ZNF823: variants seen among roughly 807,000 people sequenced by gnomAD.
The protein encoded by ZNF823 is ZFP 36 for a zinc finger protein.
ZNF823 carries 5 observed loss-of-function variants against 11.4 expected under a neutral mutation model. The ratio of observed to expected loss-of-function variants is 0.44; its 90% CI spans 0.23 to 0.92. The LOEUF (loss-of-function observed/expected upper bound fraction) is 0.92, where lower values mean the gene tolerates loss of function less well. Ranked by LOEUF, ZNF823 falls within the 40% of genes least tolerant of loss-of-function variation. The probability of loss-of-function intolerance (pLI) is 0.24; values close to 1 mark genes in which losing one functional copy is unlikely to be tolerated. For synonymous variants in ZNF823, 234 were observed against 250.5 expected, an observed-to-expected ratio of 0.93 and a Z score of 0.62; for missense variants, 582 against 738.5, an observed-to-expected ratio of 0.79 and a Z score of 2.46.
chr19:11,738,248 G>T (rs1975031487), intron 1 of ZNF823, among the ~76,000 whole-genome samples: 1 of 152,192 alleles, frequency 6.6e-6, no homozygotes, highest in Non-Finnish European at 1.5e-5. Context: ...AATTGCAGCG[G>T]AAAGGCTGGC....
chr19:11,737,878 C>T (rs1033134688), intron 1 of ZNF823, among the ~76,000 whole-genome samples: 6 of 152,104 alleles, frequency 3.9e-5, no homozygotes, highest in Non-Finnish European at 7.4e-5. Flanking sequence ...CTGCCCACAT[C>T]TTTGGAAGAC....
intron 1 of ZNF823, among the ~76,000 whole-genome samples, chr19:11,726,777 T>C (rs1974799440): frequency 1.3e-5 from 2 of 152,192 alleles, no homozygotes; most frequent in Admixed American, 6.6e-5. Context: ...AATCCTGTTA[T>C]AAGTAACAAA....
chr19:11,732,168 C>CTT (rs1568469751), intron 1 of ZNF823, among the ~76,000 whole-genome samples: 5 of 101,106 alleles, frequency 4.9e-5, no homozygotes, highest in African/African-American at 2.4e-4. Context: ...TAAAGGTTTC[C>CTT]CTTTTTTTTT....
At position 11,733,183 on chromosome 19, in the gene ZNF823, A is replaced by G. The variant is rs1974932288; in HGVS notation, c.3+5634T>C. ...AGAGATCAAGACCATGCTGGCCAAC[A>G]TGGTGAAACCCCGTCTCTAATAAAA... On this transcript the variant is annotated intron_variant, in intron 1 of 3. Coordinates refer to ENST00000341191, the MANE Select transcript of ZNF823 (RefSeq NM_001080493.4). Among the ~76,000 whole-genome samples the G allele has an allele frequency of 3.3e-5, 5 of 152,158 alleles. No homozygotes were observed. In the South Asian group the frequency reaches 1.0e-3, roughly 32 times the overall value.
At chr19:11,732,764 G>A (rs1277181723) in intron 1 of ZNF823, among the ~76,000 whole-genome samples, 1 of 152,168 alleles carries the variant, frequency 6.6e-6, no homozygotes, top group African/African-American at 2.4e-5. Flanking sequence ...CCTTCCTAGC[G>A]CATCCACGTG....
chr19:11,731,103 G>A (rs930818162), intron 1 of ZNF823, among the ~76,000 whole-genome samples: 8 of 151,472 alleles, frequency 5.3e-5, no homozygotes, highest in Non-Finnish European at 7.4e-5. Context: ...ACCTGAGGTC[G>A]GGAGTTCGAG....
intron 1 of ZNF823, among the ~76,000 whole-genome samples, chr19:11,734,907 T>A (rs1434414530): frequency 2.0e-5 from 3 of 152,182 alleles, no homozygotes; most frequent in African/African-American, 7.2e-5. Context: ...TGATGTAGGA[T>A]CTGATTTTCA....
In ZNF823 at chr19:11,734,242, A is replaced by C. The variant is rs1222204649; in HGVS notation, c.3+4575T>G. ...GGAAACAGAGTGAGACTCTGTCTCAAAAAAAAAAAAAAGAAAGAAAGAAAA... is the reference window on the plus strand; with the variant it reads ...GGAAACAGAGTGAGACTCTGTCTCACAAAAAAAAAAAAGAAAGAAAGAAAA... On this transcript the variant is annotated intron_variant, in intron 1 of 3. Transcript: ENST00000341191. 2.1e-5 allele frequency among the ~76,000 whole-genome samples: 3 copies of C among 144,992 alleles called. No individual in the cohort carries two copies. The South Asian group carries it at 6.4e-4, about 31-fold the overall frequency.
rs542413854 is a variant in ZNF823, at chr19:11,724,634, C to T, written c.131-380G>A. Among the ~76,000 whole-genome samples the T allele has an allele frequency of 6.7e-5, 10 of 149,920 alleles. No homozygotes were observed. The South Asian group carries it at 2.1e-3, about 32-fold the overall frequency. On this transcript the variant is annotated intron_variant, in intron 2 of 3. Coordinates refer to ENST00000341191, the MANE Select transcript of ZNF823 (RefSeq NM_001080493.4). ...AGTGCAGTGGCGCGATCTCAGCTCA[C>T]TGCAAACTCTGCCTCCCAGGTTCAC...
chr19:11,735,288 A>C (rs1029493214), intron 1 of ZNF823, among the ~76,000 whole-genome samples: 13 of 151,492 alleles, frequency 8.6e-5, no homozygotes, highest in Admixed American at 2.0e-4. Context: ...AAACAAAAAA[A>C]AAAAAAAAAA....
chr19:11,721,579 TA>T lies in ZNF823; in HGVS notation c.*121del, dbSNP rs572426043. Reference sequence around the variant, plus strand: ...CAATATATTGGGGGATAACTGTATTTAAAAAAATTGAAACTACTTAAGGCTT... The same window carrying T: ...CAATATATTGGGGGATAACTGTATTTAAAAAATTGAAACTACTTAAGGCTT... On this transcript the variant is annotated 3_prime_UTR_variant, in exon 4 of 4. Coordinates refer to ENST00000341191, the MANE Select transcript of ZNF823 (RefSeq NM_001080493.4). 3.0e-6 allele frequency: 3 copies of T among 994,616 alleles called. No individual in the cohort carries two copies. The highest frequency in any genetic ancestry group is 4.4e-6 in the Non-Finnish European group (3 of 688,602). 61.6% of individuals were successfully genotyped at this position (994,616 alleles called of 1,614,324 possible).
At chr19:11,728,770 GA>G (rs1302268194) in intron 1 of ZNF823, among the ~76,000 whole-genome samples, 2 of 152,144 alleles carry the variant, frequency 1.3e-5, no homozygotes, top group Admixed American at 6.6e-5. Context: ...TATAAGAATA[GA>G]AAACAATTGA....
chr19:11,723,443 C>T (rs769835143), intron 3 of ZNF823, 101 bp from the exon 4 acceptor site: 6 of 1,029,616 alleles, frequency 5.8e-6, no homozygotes, highest in Non-Finnish European at 8.3e-6. Context: ...ATGCAAAGTA[C>T]AGGCTTCATC....
intron 1 of ZNF823, among the ~76,000 whole-genome samples, chr19:11,732,168 C>T (rs8110381): frequency 1.2e-4 from 12 of 101,096 alleles, no homozygotes; most frequent in African/African-American, 5.4e-4. Flanking sequence ...TAAAGGTTTC[C>T]CTTTTTTTTT....
chr19:11,734,622 C>CTGT, intron 1 of ZNF823, among the ~76,000 whole-genome samples: 3 of 152,194 alleles, frequency 2.0e-5, no homozygotes, highest in Non-Finnish European at 4.4e-5. Context: ...ACTGCAACCT[C>CTGT]CACCTCCCGG....
chr19:11,722,184 T>C lies in ZNF823; in HGVS notation c.1350A>G (p.Lys450=), dbSNP rs758899122. Residue 450 remains lysine, a synonymous_variant, in exon 4 of 4, where the codon AAA becomes AAG. Coordinates refer to ENST00000341191, the MANE Select transcript of ZNF823 (RefSeq NM_001080493.4). The surrounding 1 kb of genome is among the most constrained non-coding windows in gnomAD (Gnocchi z 5.2). ...GVKPYKCQCG[K]AFSDLSSFQN... is the part of the protein sequence containing the mutation. The stretch of plus-strand genomic sequence containing the variant: ...GAAAGGAAGAGAGATCACTAAAGGC[T>C]TTCCCACACTGACATTTATAGGGTT... The C allele has an allele frequency of 1.9e-5, 31 of 1,613,992 alleles. No homozygotes were observed.
At chr19:11,734,954 C>G (rs1974965974) in intron 1 of ZNF823, among the ~76,000 whole-genome samples, 1 of 152,084 alleles carries the variant, frequency 6.6e-6, no homozygotes. Context: ...TTCTAGATTT[C>G]TAATATTGTT....
chr19:11,731,928 G>A (rs1974902604), intron 1 of ZNF823, among the ~76,000 whole-genome samples: 1 of 148,696 alleles, frequency 6.7e-6, no homozygotes, highest in Admixed American at 6.8e-5. Flanking sequence ...AGAATCGTTT[G>A]AACCCGTGAG....
chr19:11,727,485 G>A lies in ZNF823; in HGVS notation c.4-2158C>T, dbSNP rs141484865. Among the ~76,000 whole-genome samples the A allele has an allele frequency of 5.7e-3, 865 of 152,104 alleles. 13 individuals are homozygous for A. Among genetic ancestry groups the A allele is most frequent in the African/African-American group, 0.019 (807 of 41,506 alleles). ...AGATCATGCCACTGCACTCCAGCCT[G>A]GAGACAGAGTGAGACTCCATCTCAA... is the stretch of plus-strand genomic sequence containing the variant. On this transcript the variant is annotated intron_variant, in intron 1 of 3. Coordinates refer to ENST00000341191, the MANE Select transcript of ZNF823 (RefSeq NM_001080493.4).
Sources: allele counts gnomAD v4.1 joint callset (sites outside exome capture counted in the v4.1 genomes callset), GRCh38; gene constraint gnomAD v4.1.1; non-coding constraint Gnocchi (gnomAD v3.1); transcripts MANE v1.5; gene names NCBI Gene and HGNC (gene_info 2026-07-23, HGNC 2026-07-21).